The following CHD1L variants were observed in gnomAD, a reference collection of about 807,000 sequenced individuals.
The protein encoded by CHD1L is chromodomain helicase DNA binding protein 1 like.
Under a neutral mutation model 115.9 loss-of-function variants are expected in CHD1L, and 118 were observed. That is an observed-to-expected ratio of 1.02 (90% CI 0.88 to 1.19). The LOEUF is 1.19. Among genes scored for constraint, CHD1L ranks in the 50% most tolerant of loss-of-function variants. CHD1L has a pLI of 0.00. For synonymous variants in CHD1L, 411 were observed against 387.1 expected (o/e 1.06, Z -0.72); for missense variants, 1,179 against 1,065.3 (o/e 1.11, Z -1.49).
At chr1:147,290,782 T>A (rs1239752688) in intron 19 of CHD1L, among the ~76,000 whole-genome samples, 1 of 151,934 alleles carries the variant, frequency 6.6e-6, no homozygotes, top group East Asian at 1.9e-4. Flanking sequence ...GCCTCCCAAG[T>A]AGCTAAGACT....
At chr1:147,202,008 ACT>A in the CHD1L span, among the ~76,000 whole-genome samples, 1 of 152,096 alleles carries the variant, frequency 6.6e-6, no homozygotes, top group Non-Finnish European at 1.5e-5. Context: ...CTCTCACAAA[ACT>A]CTATGAAGGA....
At chr1:147,209,308 G>A in the CHD1L span, among the ~76,000 whole-genome samples, 1 of 152,002 alleles carries the variant, frequency 6.6e-6, no homozygotes, top group Non-Finnish European at 1.5e-5. Context: ...CGTGGTTGCA[G>A]GTGCCTGTAG....
chr1:147,216,126 T>G, the CHD1L span, among the ~76,000 whole-genome samples: 1 of 152,214 alleles, frequency 6.6e-6, no homozygotes, highest in Non-Finnish European at 1.5e-5. Flanking sequence ...GACTTGCTTT[T>G]GACCAACAGC....
In CHD1L at chr1:147,295,485, C is replaced by T. The variant is rs1553976330; in HGVS notation, c.2670C>T (p.Ser890=). ...SAVLHSQSSS[S]SSRQLVP ...TCCTTCATTCACAGTCTTCATCTTC[C>T]TCCTCAAGACAGCTGGTGCCTTAAG... Residue 890 remains serine, a synonymous_variant, in exon 23 of 23, where the codon TCC becomes TCT. Coordinates refer to ENST00000369258, the MANE Select transcript of CHD1L (RefSeq NM_004284.6). The T allele has an allele frequency of 6.2e-7, 1 of 1,610,724 alleles. No individual in the cohort carries two copies. The highest frequency in any genetic ancestry group is 8.5e-7 in the Non-Finnish European group (1 of 1,178,178).
Position 147,291,475 on chromosome 1 carries a change from A to G in CHD1L, c.2321-7A>G. On this transcript the variant is annotated splice_region_variant and splice_polypyrimidine_tract_variant and intron_variant, in intron 19 of 22. Coordinates refer to ENST00000369258, the MANE Select transcript of CHD1L (RefSeq NM_004284.6). Reference sequence around the variant, plus strand: ...TCTTTATGTTGCTCCTTTCTGTTTTACCTCAGACCTGAGTTTGGGAGGTGT... The same window carrying G: ...TCTTTATGTTGCTCCTTTCTGTTTTGCCTCAGACCTGAGTTTGGGAGGTGT... 6.2e-7 allele frequency: 1 copy of G among 1,612,156 alleles called. No homozygotes were observed. The highest frequency in any genetic ancestry group is 8.5e-7 in the Non-Finnish European group (1 of 1,178,256).
At chr1:147,234,104 T>A in the CHD1L span, among the ~76,000 whole-genome samples, 1 of 152,024 alleles carries the variant, frequency 6.6e-6, no homozygotes. Context: ...AAAAAATAAA[T>A]AAATAAATGC....
At chr1:147,243,943 G>A (rs1468596068) in intron 1 of CHD1L, among the ~76,000 whole-genome samples, 2 of 152,212 alleles carry the variant, frequency 1.3e-5, no homozygotes, top group Non-Finnish European at 2.9e-5. Flanking sequence ...GAAAGATGAA[G>A]TTGAATGGAG....
At chr1:147,191,897 T>C in the CHD1L span, among the ~76,000 whole-genome samples, 1 of 152,138 alleles carries the variant, frequency 6.6e-6, no homozygotes, top group Non-Finnish European at 1.5e-5. Context: ...AGTACCATGC[T>C]GTTTTGGTTA....
chr1:147,258,389 G>T (rs1670811470), intron 5 of CHD1L, among the ~76,000 whole-genome samples: 1 of 152,158 alleles, frequency 6.6e-6, no homozygotes, highest in Non-Finnish European at 1.5e-5. Flanking sequence ...ACACCTAAAT[G>T]TCTAGTTCTT....
chr1:147,200,714 G>A, the CHD1L span, among the ~76,000 whole-genome samples: 1 of 151,424 alleles, frequency 6.6e-6, no homozygotes, highest in Non-Finnish European at 1.5e-5. Context: ...CTTAATTTTC[G>A]GCCGAAATAA....
Position 147,287,752 on chromosome 1 carries a change from G to GGAAA in CHD1L, c.2320+21_2320+24dup, listed in dbSNP as rs1158699033. Reference sequence around the variant, plus strand: ...ATGAAAGGTAAGAAGCAAAGCAGAGGGAAAGGTTAAGGGTGGAATAAGAGA... The same window carrying GGAAA: ...ATGAAAGGTAAGAAGCAAAGCAGAGGGAAAGAAAGGTTAAGGGTGGAATAAGAGA... On this transcript the variant is annotated intron_variant, in intron 19 of 22. Transcript: ENST00000369258. The GGAAA allele has an allele frequency of 5.6e-6, 9 of 1,606,036 alleles. No individual in the cohort carries two copies. Among genetic ancestry groups the GGAAA allele is most frequent in the Non-Finnish European group, 7.7e-6 (9 of 1,174,024 alleles).
In CHD1L at chr1:147,256,562, C is replaced by T. The variant is rs1379475915; in HGVS notation, c.494C>T (p.Ser165Leu). ...TTGAAAGATGCATCATTTCTAAAAT[C>T]GTGAGTAGGTTGTACTATTTAAGAA... is the stretch of plus-strand genomic sequence containing the variant. ...ICLKDASFLK[S>L]FPWSVLVVDE... The change falls in exon 5 of 23, where the codon TCA becomes TTA. Residue 165 changes from serine to leucine, a missense_variant and splice_region_variant. By Grantham distance (145) the Ser-to-Leu change is moderately radical (BLOSUM62 -2). Transcript: ENST00000369258. 8.1e-6 allele frequency: 13 copies of T among 1,612,884 alleles called. No homozygotes were observed. The highest frequency in any genetic ancestry group is 1.7e-5 in the Admixed American group (1 of 59,980).
intron 1 of CHD1L, among the ~76,000 whole-genome samples, chr1:147,250,055 A>G (rs1353056235): frequency 2.6e-5 from 4 of 151,904 alleles, no homozygotes; most frequent in South Asian, 4.1e-4. Flanking sequence ...AGTTTTTAAA[A>G]TTTCCCTTTG....
the CHD1L span, chr1:147,213,388 T>C: frequency 6.2e-7 from 1 of 1,612,610 alleles, no homozygotes; most frequent in Non-Finnish European, 8.5e-7. Flanking sequence ...ATTCATCTCC[T>C]TTTTCCCTTC....
chr1:147,249,397 G>T (rs2102310938), intron 1 of CHD1L, among the ~76,000 whole-genome samples: 2 of 114,838 alleles, frequency 1.7e-5, no homozygotes, highest in Admixed American at 1.1e-4. Context: ...TACATATCTT[G>T]GTGTGTATTT....
At chr1:147,191,908 C>T in the CHD1L span, among the ~76,000 whole-genome samples, 2 of 152,078 alleles carry the variant, frequency 1.3e-5, no homozygotes, top group African/African-American at 4.8e-5. Context: ...GTTTTGGTTA[C>T]TGTAGCCTTG....
chr1:147,189,771 T>G, the CHD1L span, among the ~76,000 whole-genome samples: 3 of 152,172 alleles, frequency 2.0e-5, no homozygotes, highest in Non-Finnish European at 2.9e-5. Context: ...CACTGCAGAC[T>G]TGTAAATCTA....
upstream of CHD1L, among the ~76,000 whole-genome samples, chr1:147,239,242 C>T (rs1390175593): frequency 6.6e-6 from 1 of 152,168 alleles, no homozygotes; most frequent in Non-Finnish European, 1.5e-5. Context: ...GCCCCTTCTT[C>T]AGGGCCAAGA....
At chr1:147,224,933 C>T in the CHD1L span, 28 of 1,614,104 alleles carry the variant, frequency 1.7e-5, no homozygotes, top group Non-Finnish European at 2.4e-5. Flanking sequence ...TCAGTCCTTT[C>T]AAAGCAGACA....
Sources: allele counts gnomAD v4.1 joint callset (sites outside exome capture counted in the v4.1 genomes callset), GRCh38; gene constraint gnomAD v4.1.1; transcripts MANE v1.5; gene names NCBI Gene and HGNC (gene_info 2026-07-23, HGNC 2026-07-21).